SLC2A13: variants seen among roughly 807,000 people sequenced by gnomAD.
The protein encoded by SLC2A13 is solute carrier family 2 member 13, also known as proton myo-inositol cotransporter.
Under a neutral mutation model 64.4 loss-of-function variants are expected in SLC2A13, and 32 were observed. The ratio of observed to expected loss-of-function variants is 0.50; its 90% CI spans 0.37 to 0.67. The LOEUF (loss-of-function observed/expected upper bound fraction) is 0.67. Among genes scored for constraint, SLC2A13 ranks in the 30% least tolerant of loss-of-function variants. SLC2A13 has a pLI of 0.00. For synonymous variants in SLC2A13, 338 were observed against 327.1 expected, an observed-to-expected ratio of 1.03 and a Z score of -0.36; for missense variants, 743 against 829.2, an observed-to-expected ratio of 0.90 and a Z score of 1.28.
At chr12:40,036,159 T>C (rs897205659) in intron 2 of SLC2A13, among the ~76,000 whole-genome samples, 1 of 152,204 alleles carries the variant, frequency 6.6e-6, no homozygotes, top group East Asian at 1.9e-4. Flanking sequence ...TTAACTGCCA[T>C]GATGGGGGTT....
At chr12:39,838,998 A>G (rs991409137) in intron 6 of SLC2A13, among the ~76,000 whole-genome samples, 9 of 152,056 alleles carry the variant, frequency 5.9e-5, no homozygotes, top group African/African-American at 1.7e-4. Context: ...CACAGGTCCA[A>G]TTTCATTTTC....
chr12:39,789,687 CT>C (rs1941310253), intron 7 of SLC2A13, among the ~76,000 whole-genome samples: 1 of 152,142 alleles, frequency 6.6e-6, no homozygotes, highest in Admixed American at 6.6e-5. Flanking sequence ...ACAGAGAACT[CT>C]ATACTACAAC....
chr12:39,899,615 T>G (rs1303038293), intron 4 of SLC2A13, among the ~76,000 whole-genome samples: 2 of 152,156 alleles, frequency 1.3e-5, no homozygotes, highest in East Asian at 3.9e-4. Context: ...CTTGTGGGCT[T>G]TTAGTGCTAT....
intron 7 of SLC2A13, among the ~76,000 whole-genome samples, chr12:39,768,799 T>C (rs1253672606): frequency 1.3e-5 from 2 of 152,020 alleles, no homozygotes; most frequent in Admixed American, 1.3e-4. Flanking sequence ...AAATGTGACA[T>C]AAAGACACTA....
At chr12:39,844,143 G>A (rs1943247789) in intron 6 of SLC2A13, among the ~76,000 whole-genome samples, 1 of 151,994 alleles carries the variant, frequency 6.6e-6, no homozygotes, top group Admixed American at 6.6e-5. Context: ...AAAAAGCTGT[G>A]CAACACACAT....
chr12:39,977,272 G>C (rs1048056074), intron 3 of SLC2A13, among the ~76,000 whole-genome samples: 1 of 152,230 alleles, frequency 6.6e-6, no homozygotes, highest in African/African-American at 2.4e-5. Context: ...CAAGGAGCTA[G>C]TGAGTGGTAA....
intron 4 of SLC2A13, among the ~76,000 whole-genome samples, chr12:39,899,229 A>T (rs1945015908): frequency 6.6e-6 from 1 of 152,086 alleles, no homozygotes; most frequent in African/African-American, 2.4e-5. Context: ...TGTGTCGAGG[A>T]ATTTATCCAT....
Position 40,048,040 on chromosome 12 carries a change from T to C in SLC2A13, c.716+11A>G. ...GATTTGAAAAATTAAATGTAAAAAG[T>C]ATTTACAAACCTCCATCCATCCTTC... On this transcript the variant is annotated intron_variant, in intron 2 of 9. Coordinates refer to ENST00000280871, the MANE Select transcript of SLC2A13 (RefSeq NM_052885.4). The C allele has an allele frequency of 6.3e-7, 1 of 1,576,432 alleles. No homozygotes were observed. The highest frequency in any genetic ancestry group is 8.6e-7 in the Non-Finnish European group (1 of 1,169,352).
intron 4 of SLC2A13, among the ~76,000 whole-genome samples, chr12:39,928,522 G>A (rs1945767510): frequency 6.6e-6 from 1 of 152,138 alleles, no homozygotes; most frequent in South Asian, 2.1e-4. Context: ...AAAAATTAAG[G>A]ATATTAAATG....
chr12:39,908,986 A>G (rs1945361493), intron 4 of SLC2A13, among the ~76,000 whole-genome samples: 1 of 149,712 alleles, frequency 6.7e-6, no homozygotes, highest in Admixed American at 6.6e-5. Context: ...AATAAGCATA[A>G]AGAAAGAGTT....
intron 2 of SLC2A13, among the ~76,000 whole-genome samples, chr12:40,038,172 A>C (rs1378043719): frequency 6.6e-6 from 1 of 152,178 alleles, no homozygotes; most frequent in Non-Finnish European, 1.5e-5. Flanking sequence ...GCTGCATTTC[A>C]CAAATTTTAA....
intron 7 of SLC2A13, among the ~76,000 whole-genome samples, chr12:39,778,171 T>A (rs1940845979): frequency 6.6e-6 from 1 of 152,136 alleles, no homozygotes; most frequent in Admixed American, 6.5e-5. Context: ...AGAGACCCTT[T>A]CCCATTTCAG....
At chr12:39,834,016 A>G (rs1291959553) in intron 6 of SLC2A13, among the ~76,000 whole-genome samples, 1 of 151,982 alleles carries the variant, frequency 6.6e-6, no homozygotes, top group East Asian at 1.9e-4. Flanking sequence ...AACAGGCCTC[A>G]CTGAGTTCTT....
At chr12:40,040,103 T>C (rs1260277459) in intron 2 of SLC2A13, among the ~76,000 whole-genome samples, 1 of 152,220 alleles carries the variant, frequency 6.6e-6, no homozygotes, top group Non-Finnish European at 1.5e-5. Context: ...GCAATTTTTA[T>C]TGCCAGCTTA....
intron 3 of SLC2A13, among the ~76,000 whole-genome samples, chr12:40,006,329 T>G (rs1453846307): frequency 1.3e-5 from 2 of 152,208 alleles, no homozygotes; most frequent in South Asian, 2.1e-4. Flanking sequence ...TGCCTCTGTC[T>G]TCTATCAGCT....
At chr12:39,805,335 C>T (rs73092119) in intron 7 of SLC2A13, among the ~76,000 whole-genome samples, 28,365 of 152,012 alleles carry the variant, frequency 0.19, 2,829 homozygotes, top group South Asian at 0.3. Flanking sequence ...GGGGCTGATG[C>T]TGGGACACCA....
chr12:39,765,566 A>C (rs559941219), intron 7 of SLC2A13, among the ~76,000 whole-genome samples: 19 of 152,046 alleles, frequency 1.2e-4, no homozygotes, highest in African/African-American at 3.6e-4. Context: ...GTCTCCTTCA[A>C]CCTCTATCTT....
rs187231322 is a variant in SLC2A13, at chr12:39,806,880, T to C, written c.1445+23223A>G. Among the ~76,000 whole-genome samples, 14 of 152,170 alleles carry C rather than the reference T, an allele frequency of 9.2e-5. 1 individual carries two copies. Among genetic ancestry groups the C allele is most frequent in the Admixed American group, 7.9e-4 (12 of 15,280 alleles). ...AAACTGATATATTCATACTATACAA[T>C]ACTACTCAGCAATAAGAAGGTGTGA... On this transcript the variant is annotated intron_variant, in intron 7 of 9. Coordinates refer to ENST00000280871, the MANE Select transcript of SLC2A13 (RefSeq NM_052885.4).
chr12:40,019,642 C>G (rs1052658632), intron 3 of SLC2A13, among the ~76,000 whole-genome samples: 9 of 152,144 alleles, frequency 5.9e-5, no homozygotes, highest in Admixed American at 3.9e-4. Context: ...AATGGGCATT[C>G]AGGAAAAAGA....
Sources: gnomAD v4.1 joint callset for allele counts (sites outside exome capture counted in the v4.1 genomes callset) on GRCh38, gnomAD v4.1.1 for gene constraint, MANE v1.5 for transcripts, NCBI Gene and HGNC (gene_info 2026-07-23, HGNC 2026-07-21) for gene names.